Variants in WDR47 observed in about 807,000 individuals in gnomAD.
The protein encoded by WDR47 is WD repeat-containing protein 47.
WDR47 carries 32 observed loss-of-function variants against 97.2 expected under a neutral mutation model. The ratio of observed to expected loss-of-function variants is 0.33; its 90% CI spans 0.25 to 0.44. The LOEUF is 0.44. WDR47 is among the 20% of genes least tolerant of loss of function. WDR47 has a pLI of 1.00. For synonymous variants in WDR47, 375 were observed against 373.5 expected (o/e 1.00, Z -0.05); for missense variants, 782 against 1,102.3 (o/e 0.71, Z 4.11).
chr1:109,022,824 G>A (rs1661943391), intron 2 of WDR47, among the ~76,000 whole-genome samples: 1 of 151,806 alleles, frequency 6.6e-6, no homozygotes, highest in African/African-American at 2.4e-5. Flanking sequence ...GACCTCAAGT[G>A]ATCCGCCTGC....
chr1:108,993,081 A>C (rs907047526), intron 8 of WDR47, among the ~76,000 whole-genome samples: 2 of 152,162 alleles, frequency 1.3e-5, no homozygotes, highest in Non-Finnish European at 2.9e-5. Context: ...CCAGAGTAGA[A>C]GGAGCAATAG....
chr1:109,023,921 G>A (rs879275261), intron 1 of WDR47, among the ~76,000 whole-genome samples: 1 of 152,100 alleles, frequency 6.6e-6, no homozygotes, highest in Admixed American at 6.6e-5. Flanking sequence ...CCATAATAGA[G>A]AATATTTTAA....
intron 4 of WDR47, among the ~76,000 whole-genome samples, chr1:109,012,678 T>C (rs1176060321): frequency 6.6e-6 from 1 of 151,456 alleles, no homozygotes; most frequent in Non-Finnish European, 1.5e-5. Flanking sequence ...ATTATAATAA[T>C]TTGTATAGTG....
chr1:108,987,883 T>C (rs1199389375), intron 9 of WDR47, among the ~76,000 whole-genome samples: 1 of 152,112 alleles, frequency 6.6e-6, no homozygotes, highest in Non-Finnish European at 1.5e-5. Flanking sequence ...TACTCATTGC[T>C]AAACTAAGCT....
intron 1 of WDR47, among the ~76,000 whole-genome samples, chr1:109,036,045 T>A (rs1486230983): frequency 6.6e-6 from 1 of 152,038 alleles, no homozygotes; most frequent in South Asian, 2.1e-4. Context: ...TATATACATA[T>A]TAAAGGATTA....
intron 6 of WDR47, 145 bp downstream of exon 6, chr1:109,004,447 G>A: frequency 1.9e-6 from 2 of 1,028,706 alleles, no homozygotes; most frequent in Non-Finnish European, 2.6e-6. Flanking sequence ...GAAGAGAGGA[G>A]AGAAAATAAG....
chr1:109,023,620 T>G (rs1044099847), intron 1 of WDR47, 99 bp from the exon 2 acceptor site: 1 of 1,193,328 alleles, frequency 8.4e-7, no homozygotes, highest in Non-Finnish European at 1.2e-6. Flanking sequence ...TGGGAATCTT[T>G]AGTACACATA....
At position 109,003,958 on chromosome 1, in the gene WDR47, T is replaced by C. The variant is rs552364886; in HGVS notation, c.1254+634A>G. ...AATCTAATTAGTAAAATATAGACCA[T>C]ATCTCTTAAAAATGTAAACTAGCCG... On this transcript the variant is annotated intron_variant, in intron 6 of 14. Transcript: ENST00000369962. Among the ~76,000 whole-genome samples, 14 of 152,242 alleles carry C rather than the reference T, an allele frequency of 9.2e-5. 1 individual carries two copies. In the South Asian group the frequency reaches 2.9e-3, roughly 32 times the overall value.
chr1:109,027,066 T>TC (rs1297399401), intron 1 of WDR47, among the ~76,000 whole-genome samples: 2 of 152,128 alleles, frequency 1.3e-5, no homozygotes, highest in East Asian at 3.8e-4. Context: ...CACAGAATTT[T>TC]TTTTTTTTAA....
intron 4 of WDR47, among the ~76,000 whole-genome samples, chr1:109,012,602 T>C (rs1571218032): frequency 7.8e-6 from 1 of 127,602 alleles, no homozygotes; most frequent in South Asian, 2.4e-4. Context: ...AGAAAGGGAA[T>C]GCCTAAAGTT....
chr1:108,995,893 T>C, intron 7 of WDR47, 56 bp from the exon 8 acceptor site: 2 of 1,544,652 alleles, frequency 1.3e-6, no homozygotes, highest in Non-Finnish European at 1.8e-6. Flanking sequence ...GCATTCCTAA[T>C]ATATACAAGG....
chr1:109,012,026 T>C (rs1661065482), intron 4 of WDR47, among the ~76,000 whole-genome samples: 1 of 152,242 alleles, frequency 6.6e-6, no homozygotes, highest in South Asian at 2.1e-4. Context: ...ACAAATATAG[T>C]GCACTACAGC....
chr1:109,023,705 T>A (rs1662009113), intron 1 of WDR47, among the ~76,000 whole-genome samples, 184 bp from the exon 2 acceptor site: 1 of 152,218 alleles, frequency 6.6e-6, no homozygotes, highest in Non-Finnish European at 1.5e-5. Context: ...ATGGCCATGA[T>A]TTTTTAAAGT....
chr1:108,997,445 AAAAAGAAAAAAAAGG>A (rs1466985002), intron 7 of WDR47, among the ~76,000 whole-genome samples: 4 of 150,672 alleles, frequency 2.7e-5, no homozygotes, highest in African/African-American at 9.7e-5. Context: ...AAAAAAAAAG[AAAAAGAAAAAAAAGG>A]AAAGAAAGAA....
chr1:109,035,237 C>T (rs1242026947), intron 1 of WDR47, among the ~76,000 whole-genome samples: 5 of 145,992 alleles, frequency 3.4e-5, no homozygotes, highest in Non-Finnish European at 7.5e-5. Context: ...AAGAGTAAGA[C>T]CCTGTCTCAG....
chr1:108,997,173 C>T (rs891910528), intron 7 of WDR47, among the ~76,000 whole-genome samples: 1 of 151,554 alleles, frequency 6.6e-6, no homozygotes, highest in African/African-American at 2.4e-5. Context: ...CGCCTATAAT[C>T]CCAGAACTTT....
rs551346726 is a variant in WDR47 at position 108,992,359 on chromosome 1, T to C, written c.1692-1030A>G. On this transcript the variant is annotated intron_variant, in intron 8 of 14. Transcript: ENST00000369962. ...GAGGTTCCAATCTTCGTGTTCACTT[T>C]AAGAACACTCGTGAAACTGCTCAGG... 9.2e-5 allele frequency: 109 copies of C among 1,183,552 alleles called. No individual in the cohort carries two copies. The East Asian group carries it at 1.2e-3, about 13-fold the overall frequency. 73.3% of individuals were successfully genotyped at this position (1,183,552 alleles called of 1,614,324 possible).
intron 8 of WDR47, among the ~76,000 whole-genome samples, chr1:108,994,311 T>G (rs2101872532): frequency 6.6e-6 from 1 of 152,188 alleles, no homozygotes; most frequent in Admixed American, 6.5e-5. Context: ...GCAGGAGAAT[T>G]GTTTGAACCT....
At chr1:108,972,590 C>T (rs11490903) in intron 14 of WDR47, among the ~76,000 whole-genome samples, 10 of 152,176 alleles carry the variant, frequency 6.6e-5, no homozygotes, top group Middle Eastern at 3.4e-3. Context: ...GGGAAATCTC[C>T]GTATCTCTCA....
Sources: allele counts gnomAD v4.1 joint callset (sites outside exome capture counted in the v4.1 genomes callset), GRCh38; gene constraint gnomAD v4.1.1; transcripts MANE v1.5; gene names NCBI Gene and HGNC (gene_info 2026-07-23, HGNC 2026-07-21).